Variants in ADAMTS12 observed in about 807,000 individuals in gnomAD.
The protein encoded by ADAMTS12 is A disintegrin and metalloproteinase with thrombospondin motifs 12.
ADAMTS12 carries 118 observed loss-of-function variants against 167.8 expected under a neutral mutation model. The ratio of observed to expected loss-of-function variants is 0.70; its 90% confidence interval spans 0.61 to 0.82. The LOEUF is 0.82. Ranked by LOEUF, ADAMTS12 falls within the 40% of genes least tolerant of loss-of-function variation. The probability of loss-of-function intolerance (pLI) is 0.00; values close to 1 mark genes in which losing one functional copy is unlikely to be tolerated. For synonymous variants in ADAMTS12, 704 were observed against 716.9 expected (o/e 0.98, Z 0.29); for missense variants, 1,916 against 1,998.8 (o/e 0.96, Z 0.79).
intron 1 of ADAMTS12, among the ~76,000 whole-genome samples, chr5:33,890,741 T>C (rs1031210601): frequency 3.3e-5 from 5 of 152,114 alleles, no homozygotes; most frequent in Non-Finnish European, 1.5e-5. Context: ...GTGTCCCTAT[T>C]ATTGCTACAG....
intron 3 of ADAMTS12, among the ~76,000 whole-genome samples, chr5:33,718,972 A>G (rs1466440053): frequency 2.6e-5 from 4 of 152,172 alleles, no homozygotes; most frequent in Admixed American, 2.6e-4. Flanking sequence ...CAAAAGTAAG[A>G]AAGTCTCTGT....
At chr5:33,807,242 A>G (rs888830299) in intron 2 of ADAMTS12, among the ~76,000 whole-genome samples, 1 of 152,222 alleles carries the variant, frequency 6.6e-6, no homozygotes, top group Non-Finnish European at 1.5e-5. Flanking sequence ...TACAGATAAA[A>G]AAACTAAAGT....
intron 3 of ADAMTS12, among the ~76,000 whole-genome samples, chr5:33,740,886 G>A (rs1207297729): frequency 2.6e-5 from 4 of 152,164 alleles, no homozygotes; most frequent in Non-Finnish European, 5.9e-5. Context: ...GTGAGGCCAC[G>A]TCCCAGGCCC....
intron 6 of ADAMTS12, among the ~76,000 whole-genome samples, chr5:33,661,147 G>A (rs904113999): frequency 2.0e-5 from 3 of 152,118 alleles, no homozygotes; most frequent in Admixed American, 6.6e-5. Flanking sequence ...ATAGGCATAC[G>A]GAGCCCAAGA....
At chr5:33,772,331 C>T (rs1424522081) in intron 2 of ADAMTS12, among the ~76,000 whole-genome samples, 1 of 152,178 alleles carries the variant, frequency 6.6e-6, no homozygotes, top group African/African-American at 2.4e-5. Flanking sequence ...CAGACACTGC[C>T]ATTCATCCTT....
At chr5:33,645,564 TC>T (rs34288684) in intron 9 of ADAMTS12, among the ~76,000 whole-genome samples, 1 of 152,160 alleles carries the variant, frequency 6.6e-6, no homozygotes, top group Non-Finnish European at 1.5e-5. Flanking sequence ...TGCTTATCAC[TC>T]CCCCTTTTAT....
intron 7 of ADAMTS12, among the ~76,000 whole-genome samples, 184 bp from the exon 8 acceptor site, chr5:33,649,881 G>C (rs1487648559): frequency 4.0e-5 from 4 of 101,180 alleles, no homozygotes; most frequent in Non-Finnish European, 9.7e-5. Context: ...AAAAGGACAG[G>C]GAGCATTGTA....
intron 13 of ADAMTS12, among the ~76,000 whole-genome samples, chr5:33,629,882 G>A (rs1472257516): frequency 6.6e-6 from 1 of 152,002 alleles, no homozygotes; most frequent in Admixed American, 6.6e-5. Context: ...TCCCAAATAA[G>A]CTTCATTTTC....
intron 16 of ADAMTS12, 35 bp from the exon 17 acceptor site, chr5:33,596,095 A>G: frequency 6.2e-7 from 1 of 1,610,458 alleles, no homozygotes; most frequent in Non-Finnish European, 8.5e-7. Flanking sequence ...CACATATTGA[A>G]TCCTGAGCCC....
intron 20 of ADAMTS12, among the ~76,000 whole-genome samples, chr5:33,556,935 C>T (rs986696019): frequency 3.3e-5 from 5 of 152,180 alleles, no homozygotes; most frequent in African/African-American, 1.2e-4. Context: ...GCCTGTGGCC[C>T]CCGAGTGTTC....
chr5:33,783,274 C>T (rs901124437), intron 2 of ADAMTS12, among the ~76,000 whole-genome samples: 13 of 151,688 alleles, frequency 8.6e-5, no homozygotes, highest in Non-Finnish European at 1.8e-4. Flanking sequence ...GGGAAGGTTT[C>T]TAGCTTTAAA....
intron 2 of ADAMTS12, among the ~76,000 whole-genome samples, chr5:33,791,864 G>GA (rs1291159632): frequency 2.9e-4 from 40 of 140,094 alleles, no homozygotes; most frequent in African/African-American, 1.2e-3. Flanking sequence ...GCCTAACTCA[G>GA]ATCCTATACT....
Position 33,704,003 on chromosome 5 carries a change from A to G in ADAMTS12, c.635-19948T>C, listed in dbSNP as rs1743096611. ...CCTTTACAAGGAAATTAACTTTCTA[A>G]TGACGAATAAGCTTTTTGTTCCTTG... On this transcript the variant is annotated intron_variant, in intron 3 of 23. Coordinates refer to ENST00000504830, the MANE Select transcript of ADAMTS12 (RefSeq NM_030955.4). Among the ~76,000 whole-genome samples, 5 of 152,226 alleles carry G rather than the reference A, an allele frequency of 3.3e-5. 1 individual carries two copies. The South Asian group carries it at 1.0e-3, about 32-fold the overall frequency.
chr5:33,592,316 C>T (rs1470104495), intron 17 of ADAMTS12, among the ~76,000 whole-genome samples: 1 of 152,074 alleles, frequency 6.6e-6, no homozygotes, highest in Non-Finnish European at 1.5e-5. Context: ...GCAGCAATAG[C>T]GTTGAGGTTG....
chr5:33,575,975 A>T, intron 19 of ADAMTS12, 79 bp downstream of exon 19: 1 of 1,520,870 alleles, frequency 6.6e-7, no homozygotes, highest in East Asian at 2.3e-5. Context: ...ATGCAAACTC[A>T]TTTTGAAATT....
rs1469328760 is a variant in ADAMTS12, at chr5:33,649,638, T to C, written c.1250A>G (p.Tyr417Cys). ...NDCEPVGRHPYIMSRQLQYDP... is the reference protein window; with the variant it reads ...NDCEPVGRHPCIMSRQLQYDP... ...GTACTGGAGCTGGCGGGACATGATG[T>C]ACGGATGTCTGCCCACAGGCTCACA... is the stretch of plus-strand genomic sequence containing the variant. The change falls in exon 8 of 24, where the codon TAC becomes TGC. Residue 417 changes from tyrosine to cysteine, a missense_variant. By Grantham distance (194) the Tyr-to-Cys change is radical. Transcript: ENST00000504830. The C allele has an allele frequency of 6.2e-7, 1 of 1,614,026 alleles. No individual in the cohort carries two copies. The highest frequency in any genetic ancestry group is 1.7e-5 in the Admixed American group (1 of 60,018).
intron 2 of ADAMTS12, among the ~76,000 whole-genome samples, chr5:33,843,313 G>A (rs1322975679): frequency 6.6e-6 from 1 of 152,156 alleles, no homozygotes; most frequent in Admixed American, 6.6e-5. Context: ...CTAGGTTCCT[G>A]AGCCTGAGCA....
At chr5:33,641,708 T>C (rs1740450903) in intron 11 of ADAMTS12, 102 bp downstream of exon 11, 1 of 1,180,482 alleles carries the variant, frequency 8.5e-7, no homozygotes, top group Admixed American at 2.7e-5. Context: ...TTAATTTACC[T>C]GGAGGAGGCT....
At chr5:33,581,575 T>C (rs1747068278) in intron 18 of ADAMTS12, among the ~76,000 whole-genome samples, 1 of 152,230 alleles carries the variant, frequency 6.6e-6, no homozygotes, top group Non-Finnish European at 1.5e-5. Context: ...AAACAGTGAA[T>C]ACTTTGGGCA....
Sources: gnomAD v4.1 joint callset for allele counts (sites outside exome capture counted in the v4.1 genomes callset) on GRCh38, gnomAD v4.1.1 for gene constraint, MANE v1.5 for transcripts, NCBI Gene and HGNC (gene_info 2026-07-23, HGNC 2026-07-21) for gene names.